Variants in RBP4 observed in about 807,000 individuals in gnomAD.
RBP4 encodes retinol-binding protein 4.
RBP4 carries 9 observed loss-of-function variants against 26.2 expected under a neutral mutation model. The ratio of observed to expected loss-of-function variants is 0.34; its 90% CI spans 0.21 to 0.60. RBP4 has a LOEUF of 0.60. RBP4 is among the 20% of genes least tolerant of loss of function. RBP4 has a pLI of 0.80. For synonymous variants in RBP4, 114 were observed against 111.0 expected (o/e 1.03, Z -0.17); for missense variants, 244 against 271.3 (o/e 0.90, Z 0.71).
intron 4 of RBP4, among the ~76,000 whole-genome samples, chr10:93,600,028 G>T (rs189443464): frequency 1.1e-3 from 170 of 152,322 alleles, no homozygotes; most frequent in Non-Finnish European, 1.8e-3. Flanking sequence ...CTGTCTCAGG[G>T]ATTCAGCCCA....
chr10:93,600,427 C>T lies in RBP4; in HGVS notation c.321G>A (p.Lys107=), dbSNP rs1439610963. 1.2e-6 allele frequency: 2 copies of T among 1,614,178 alleles called. No individual in the cohort carries two copies. Among genetic ancestry groups the T allele is most frequent in the Non-Finnish European group, 1.7e-6 (2 of 1,180,028 alleles). The change falls in exon 4 of 6, where the codon AAG becomes AAA. Residue 107 remains lysine (K), a synonymous_variant. Transcript: ENST00000371464. ...DTEDPAKFKM[K]YWGVASFLQK... ...GGAGAAAGGAGGCTACGCCCCAGTA[C>T]TTCATCTTGAACTTGGCAGGGTCCT...
chr10:93,592,970 A>AC (rs1418700289), intron 5 of RBP4, among the ~76,000 whole-genome samples: 3 of 152,114 alleles, frequency 2.0e-5, no homozygotes, highest in Non-Finnish European at 4.4e-5. Context: ...GGCGCATGCC[A>AC]CCACGCCTGG....
chr10:93,599,475 G>A (rs1438057512), intron 4 of RBP4, among the ~76,000 whole-genome samples: 3 of 152,138 alleles, frequency 2.0e-5, no homozygotes. Context: ...CTTTGCAAAA[G>A]CTGGTCTGGA....
At chr10:93,592,812 GATTATT>G (rs1207875890) in intron 5 of RBP4, among the ~76,000 whole-genome samples, 1 of 151,278 alleles carries the variant, frequency 6.6e-6, no homozygotes, top group African/African-American at 2.4e-5. Flanking sequence ...CATTTTGTTT[GATTATT>G]ATTATTATTA....
intron 5 of RBP4, among the ~76,000 whole-genome samples, chr10:93,593,270 C>T (rs765899279): frequency 1.3e-5 from 2 of 152,314 alleles, no homozygotes; most frequent in African/African-American, 4.8e-5. Context: ...GGTAATATCT[C>T]CTAAAAGATC....
chr10:93,592,201 C>T, intron 5 of RBP4, 89 bp from the exon 6 acceptor site: 2 of 1,141,032 alleles, frequency 1.8e-6, no homozygotes, highest in Non-Finnish European at 1.3e-6. Flanking sequence ...TTAGAGCTGG[C>T]TTCATTCAAA....
At chr10:93,601,598 AGC>A (rs1312500053), upstream of RBP4, 4 of 733,376 alleles carry the variant, frequency 5.5e-6, no homozygotes, top group Non-Finnish European at 7.6e-6. Context: ...GGCCTCACAG[AGC>A]GAGAGCGGAC....
rs774876327 is a variant in RBP4, at chr10:93,593,851, G to A, written c.540C>T (p.Ala180=). 6.2e-7 allele frequency: 1 copy of A among 1,612,368 alleles called. No homozygotes were observed. Among genetic ancestry groups the A allele is most frequent in the Admixed American group, 1.7e-5 (1 of 60,018 alleles). ...VRQRQEELCL[A]RQYRLIVHNG... is the part of the protein sequence containing the mutation. ...TGTGGACGATCAGCCTGTACTGCCT[G>A]GCCAGGCACAGCTCCTCCTGCCGCT... The change falls in exon 5 of 6, where the codon GCC becomes GCT. Residue 180 remains alanine, a synonymous_variant. Transcript: ENST00000371464.
rs771816053 is a variant in RBP4 at position 93,598,591 on chromosome 10, G to A, written c.355+1802C>T. ...ACTTTCAAGATGGCAGTACTTTTTC[G>A]CCCTCCAAATGAAATCCTGATAAAA... is the stretch of plus-strand genomic sequence containing the variant. On this transcript the variant is annotated intron_variant, in intron 4 of 5. Coordinates refer to ENST00000371464, the MANE Select transcript of RBP4 (RefSeq NM_006744.4). Among the ~76,000 whole-genome samples, 22 of 152,046 alleles carry A rather than the reference G, an allele frequency of 1.4e-4. 1 individual carries two copies. Among genetic ancestry groups the A allele is most frequent in the Admixed American group, 9.2e-4 (14 of 15,272 alleles).
intron 4 of RBP4, among the ~76,000 whole-genome samples, chr10:93,598,695 A>G (rs2058316682): frequency 6.6e-6 from 1 of 152,248 alleles, no homozygotes; most frequent in Non-Finnish European, 1.5e-5. Flanking sequence ...CTCCCTTCTC[A>G]TTGGGTCCTC....
intron 4 of RBP4, among the ~76,000 whole-genome samples, chr10:93,599,990 G>A (rs866331306): frequency 6.6e-6 from 1 of 152,120 alleles, no homozygotes; most frequent in African/African-American, 2.4e-5. Flanking sequence ...GGCTCTCTCG[G>A]CCTCTGTGGG....
chr10:93,600,695 T>G lies in RBP4; in HGVS notation c.220A>C (p.Thr74Pro). ...AAAAGACGGACTCGGCCCTTGGCTG[T>G]GGCGCTCATCTGGCCGGTCTCGTCC... ...SVDETGQMSATAKGRVRLLNN... is the reference protein window; with the variant it reads ...SVDETGQMSAPAKGRVRLLNN... Residue 74 changes from threonine (T) to proline (P), a missense_variant, in exon 3 of 6, where the codon ACA (threonine) becomes CCA (proline). Transcript: ENST00000371464. 1 of 1,611,162 alleles carries G rather than the reference T, an allele frequency of 6.2e-7. No individual in the cohort carries two copies. Among genetic ancestry groups the G allele is most frequent in the Non-Finnish European group, 8.5e-7 (1 of 1,178,904 alleles).
At chr10:93,593,340 C>T (rs2058279214) in intron 5 of RBP4, among the ~76,000 whole-genome samples, 1 of 152,182 alleles carries the variant, frequency 6.6e-6, no homozygotes, top group Non-Finnish European at 1.5e-5. Flanking sequence ...TAGACAATGT[C>T]ATGGCTATTT....
chr10:93,593,816 G>A lies in RBP4; in HGVS notation c.568+7C>T. 3.7e-6 allele frequency: 6 copies of A among 1,611,246 alleles called. No individual in the cohort carries two copies. The highest frequency in any genetic ancestry group is 5.1e-6 in the Non-Finnish European group (6 of 1,179,824). ...AAGAGCCAGAAGGCACCCTGCTCCT[G>A]ACTCACCGTTGTGGACGATCAGCCT... On this transcript the variant is annotated splice_region_variant and intron_variant, in intron 5 of 5. Transcript: ENST00000371464.
upstream of RBP4, chr10:93,601,314 A>C: frequency 2.5e-6 from 3 of 1,215,550 alleles, no homozygotes; most frequent in Non-Finnish European, 3.1e-6. Flanking sequence ...GGGGTGAAAG[A>C]CCGAAGGGGA....
At chr10:93,601,294 G>A (rs1370541427), upstream of RBP4, 2 of 1,218,384 alleles carry the variant, frequency 1.6e-6, no homozygotes. Context: ...TCGCGCTTTC[G>A]TAACCGCGCG....
chr10:93,592,039 C>T lies in RBP4; in HGVS notation c.*36G>A, dbSNP rs763442047. 1 of 1,562,014 alleles carries T rather than the reference C, an allele frequency of 6.4e-7. No homozygotes were observed. Among genetic ancestry groups the T allele is most frequent in the East Asian group, 2.2e-5 (1 of 44,612 alleles). On this transcript the variant is annotated 3_prime_UTR_variant, in exon 6 of 6. Transcript: ENST00000371464. ...ATAGAGCTGAAGACTGAGAGCTAAT[C>T]AGAAGTTCTCAGATGAAACTAGATT...
At chr10:93,593,656 G>GA (rs2058281308) in intron 5 of RBP4, among the ~76,000 whole-genome samples, 167 bp downstream of exon 5, 1 of 152,198 alleles carries the variant, frequency 6.6e-6, no homozygotes, top group Admixed American at 6.5e-5. Context: ...GAAGGCCAGT[G>GA]AAAAATCTGG....
upstream of RBP4, chr10:93,601,302 G>C (rs1388090204): frequency 8.2e-7 from 1 of 1,216,934 alleles, no homozygotes; most frequent in Non-Finnish European, 1.0e-6. Flanking sequence ...TCGTAACCGC[G>C]CGGGGTGAAA....
Sources: gnomAD v4.1 joint callset for allele counts (sites outside exome capture counted in the v4.1 genomes callset) on GRCh38, gnomAD v4.1.1 for gene constraint, MANE v1.5 for transcripts, NCBI Gene and HGNC (gene_info 2026-07-23, HGNC 2026-07-21) for gene names.